XXYLT1: variants seen among roughly 807,000 people sequenced by gnomAD.
XXYLT1 encodes xyloside xylosyltransferase 1.
Under a neutral mutation model 28.9 loss-of-function variants are expected in XXYLT1, and 20 were observed. The ratio of observed to expected loss-of-function variants is 0.69; its 90% CI spans 0.49 to 1.00. The LOEUF is 1.00. XXYLT1 is among the 50% of genes least tolerant of loss of function. XXYLT1 has a pLI of 0.00. For missense variants in XXYLT1, 542 were observed against 560.1 expected (o/e 0.97, Z 0.33); for synonymous variants, 257 against 253.8 (o/e 1.01, Z -0.12).
chr3:195,206,540 G>T (rs1486045659), intron 2 of XXYLT1, among the ~76,000 whole-genome samples: 1 of 151,988 alleles, frequency 6.6e-6, no homozygotes, highest in Non-Finnish European at 1.5e-5. Flanking sequence ...AGGTCGCGGT[G>T]GGAGGATCAC....
intron 2 of XXYLT1, among the ~76,000 whole-genome samples, chr3:195,169,892 T>G (rs1721318470): frequency 1.3e-5 from 2 of 148,748 alleles, no homozygotes; most frequent in Admixed American, 6.7e-5. Context: ...TGAGATGGAG[T>G]TTTGCTCTTG....
At chr3:195,120,682 T>C (rs1207516244) in intron 3 of XXYLT1, among the ~76,000 whole-genome samples, 1 of 152,246 alleles carries the variant, frequency 6.6e-6, no homozygotes. Flanking sequence ...TTAGTAACTC[T>C]GAGAGTGAAA....
At chr3:195,251,778 A>G (rs1725264458) in intron 1 of XXYLT1, among the ~76,000 whole-genome samples, 1 of 152,202 alleles carries the variant, frequency 6.6e-6, no homozygotes, top group Non-Finnish European at 1.5e-5. Flanking sequence ...CCAAGTGCTC[A>G]AGAGAACATG....
At chr3:195,233,988 G>A (rs939720930) in intron 1 of XXYLT1, among the ~76,000 whole-genome samples, 8 of 151,584 alleles carry the variant, frequency 5.3e-5, no homozygotes, top group African/African-American at 1.9e-4. Context: ...GCGATCTCGG[G>A]TCACTGCAAG....
intron 1 of XXYLT1, among the ~76,000 whole-genome samples, chr3:195,258,740 C>T (rs1725570311): frequency 6.6e-6 from 1 of 152,194 alleles, no homozygotes; most frequent in Non-Finnish European, 1.5e-5. Context: ...CCCTGAACAT[C>T]AAATAAGGCT....
At chr3:195,244,839 A>C (rs1485418947) in intron 1 of XXYLT1, among the ~76,000 whole-genome samples, 1 of 139,802 alleles carries the variant, frequency 7.2e-6, no homozygotes, top group Non-Finnish European at 1.5e-5. Flanking sequence ...ATACAACATG[A>C]GACTCTGTCT....
chr3:195,258,180 G>T (rs1317964611), intron 1 of XXYLT1, among the ~76,000 whole-genome samples: 1 of 152,158 alleles, frequency 6.6e-6, no homozygotes, highest in Non-Finnish European at 1.5e-5. Context: ...CAAAAGCAGG[G>T]CCACCTCACA....
intron 2 of XXYLT1, among the ~76,000 whole-genome samples, chr3:195,162,165 C>CAGCT (rs1720905717): frequency 6.6e-6 from 1 of 152,048 alleles, no homozygotes; most frequent in Non-Finnish European, 1.5e-5. Context: ...CAAGATCACG[C>CAGCT]AGCTGGTCAG....
chr3:195,103,692 G>A (rs1388442999), intron 3 of XXYLT1, among the ~76,000 whole-genome samples: 2 of 152,220 alleles, frequency 1.3e-5, no homozygotes, highest in Non-Finnish European at 2.9e-5. Context: ...CCATCAAGGG[G>A]AAGTCACTGG....
chr3:195,254,929 G>A (rs1386613645), intron 1 of XXYLT1, among the ~76,000 whole-genome samples: 1 of 152,168 alleles, frequency 6.6e-6, no homozygotes, highest in Non-Finnish European at 1.5e-5. Context: ...GAAAGATGAG[G>A]TAGAGCCAGG....
chr3:195,078,341 C>T lies in XXYLT1; in HGVS notation c.786-8230G>A, dbSNP rs1715240102. ...TGGAGGACCCCGGCCACCTGTCCCT[C>T]ACACTGACAGCCGAGAGGCCCGTAG... On this transcript the variant is annotated intron_variant, in intron 3 of 3. Coordinates refer to ENST00000310380, the MANE Select transcript of XXYLT1 (RefSeq NM_152531.5). This position sits in a 1 kb window ranked among gnomAD's most constrained non-coding sequence, Gnocchi z 5.0. Among the ~76,000 whole-genome samples the T allele has an allele frequency of 6.6e-6, 1 of 152,100 alleles. No individual in the cohort carries two copies. Among genetic ancestry groups the T allele is most frequent in the African/African-American group, 2.4e-5 (1 of 41,402 alleles).
At position 195,124,158 on chromosome 3, in the gene XXYLT1, C is replaced by T. The variant is rs1021530759; in HGVS notation, c.785+32291G>A. Among the ~76,000 whole-genome samples, 5 of 152,234 alleles carry T rather than the reference C, an allele frequency of 3.3e-5. No homozygotes were observed. Among genetic ancestry groups the T allele is most frequent in the Non-Finnish European group, 7.3e-5 (5 of 68,044 alleles). ...GATTGGTGTTCCATGGAACTCACCT[C>T]GAGAAGTGTGGGTCTAGACCACAGC... On this transcript the variant is annotated intron_variant, in intron 3 of 3. Transcript: ENST00000310380. This position sits in a 1 kb window ranked among gnomAD's most constrained non-coding sequence, Gnocchi z 4.1.
intron 3 of XXYLT1, among the ~76,000 whole-genome samples, chr3:195,099,631 C>T (rs752424458): frequency 2.0e-4 from 30 of 152,068 alleles, no homozygotes; most frequent in Middle Eastern, 3.4e-3. Flanking sequence ...AAGATCAAGA[C>T]CATCCTGGTT....
In XXYLT1 at chr3:195,124,454, G is replaced by C. The variant is rs1439969408; in HGVS notation, c.785+31995C>G. The stretch of plus-strand genomic sequence containing the variant: ...GCATGAGAGAGCTCTGGGGCTTTGG[G>C]CCTGGCACAGAATAACTTTGTTTTC... On this transcript the variant is annotated intron_variant, in intron 3 of 3. Transcript: ENST00000310380. The surrounding 1 kb of genome is among the most constrained non-coding windows in gnomAD (Gnocchi z 4.1). Among the ~76,000 whole-genome samples the C allele has an allele frequency of 6.6e-6, 1 of 152,170 alleles. No homozygotes were observed. Among genetic ancestry groups the C allele is most frequent in the Non-Finnish European group, 1.5e-5 (1 of 68,024 alleles).
intron 3 of XXYLT1, among the ~76,000 whole-genome samples, chr3:195,097,865 G>A (rs1716538187): frequency 6.6e-6 from 1 of 150,576 alleles, no homozygotes; most frequent in African/African-American, 2.4e-5. Context: ...CAGGAAAGAC[G>A]CTTCAAACCA....
At chr3:195,226,607 G>T in intron 2 of XXYLT1, 102 bp downstream of exon 2, 1 of 1,430,272 alleles carries the variant, frequency 7.0e-7, no homozygotes, top group Non-Finnish European at 9.4e-7. Context: ...ATGTTCAGTG[G>T]AGCTATTCTC....
At position 195,230,287 on chromosome 3, in the gene XXYLT1, C is replaced by T. The variant is rs566055737; in HGVS notation, c.505-3431G>A. 2.0e-5 allele frequency among the ~76,000 whole-genome samples: 3 copies of T among 152,140 alleles called. No homozygotes were observed. The South Asian group carries it at 6.2e-4, about 32-fold the overall frequency. ...CCCTTATATAATCTGGTTATTAATC[C>T]CTTGTCAGATAGACAGTTTACAAAT... On this transcript the variant is annotated intron_variant, in intron 1 of 3. Transcript: ENST00000310380.
Position 195,069,706 on chromosome 3 carries a change from G to A in XXYLT1, c.*9C>T, listed in dbSNP as rs559558723. On this transcript the variant is annotated 3_prime_UTR_variant, in exon 4 of 4. Coordinates refer to ENST00000310380, the MANE Select transcript of XXYLT1 (RefSeq NM_152531.5). ...TCTGGAGGCCCCGGGGGCAAGGCAC[G>A]GGGAGCGCCTAGTCCTCCGGGATGG... 1.5e-5 allele frequency: 24 copies of A among 1,604,976 alleles called. No individual in the cohort carries two copies. Among genetic ancestry groups the A allele is most frequent in the East Asian group, 8.9e-5 (4 of 44,850 alleles).
chr3:195,113,511 G>A (rs1717890336), intron 3 of XXYLT1, among the ~76,000 whole-genome samples: 1 of 152,156 alleles, frequency 6.6e-6, no homozygotes, highest in African/African-American at 2.4e-5. Flanking sequence ...TTTGTCCAAG[G>A]TCACAGGGCT....
Sources: allele counts gnomAD v4.1 joint callset (sites outside exome capture counted in the v4.1 genomes callset), GRCh38; gene constraint gnomAD v4.1.1; non-coding constraint Gnocchi (gnomAD v3.1); transcripts MANE v1.5; gene names NCBI Gene and HGNC (gene_info 2026-07-23, HGNC 2026-07-21).